MGAT5: variants seen among roughly 807,000 people sequenced by gnomAD.
MGAT5 encodes the protein alpha-1,6-mannosylglycoprotein 6-beta-N-acetylglucosaminyltransferase A.
A neutral mutation model predicts 94.3 loss-of-function variants in MGAT5; 30 were observed. That is an observed-to-expected ratio of 0.32 (90% CI 0.24 to 0.43). The LOEUF is 0.43. Ranked by LOEUF, MGAT5 falls within the 20% of genes least tolerant of loss-of-function variation. MGAT5 has a pLI of 1.00. For synonymous variants in MGAT5, 310 were observed against 322.9 expected, an observed-to-expected ratio of 0.96 and a Z score of 0.43; for missense variants, 691 against 905.5, an observed-to-expected ratio of 0.76 and a Z score of 3.04.
intron 1 of MGAT5, among the ~76,000 whole-genome samples, chr2:134,122,099 G>A (rs11888896): frequency 0.34 from 52,044 of 151,556 alleles, 10,513 homozygotes; most frequent in East Asian, 0.67. Flanking sequence ...TTAGAGCAAA[G>A]CTCTCCTGTC....
intron 10 of MGAT5, among the ~76,000 whole-genome samples, chr2:134,391,376 G>A (rs1682396943): frequency 6.6e-6 from 1 of 152,226 alleles, no homozygotes; most frequent in Non-Finnish European, 1.5e-5. Context: ...CCTTGGCTGA[G>A]TGTTTGGGCT....
At chr2:134,322,851 A>G (rs1573800926) in intron 4 of MGAT5, among the ~76,000 whole-genome samples, 1 of 152,140 alleles carries the variant, frequency 6.6e-6, no homozygotes, top group African/African-American at 2.4e-5. Flanking sequence ...TGAGTTGTTA[A>G]TGTGATCAAC....
At chr2:134,206,751 A>G (rs1485382676) in intron 1 of MGAT5, among the ~76,000 whole-genome samples, 2 of 152,208 alleles carry the variant, frequency 1.3e-5, no homozygotes, top group African/African-American at 4.8e-5. Flanking sequence ...CAGTGTGACC[A>G]CAGAAGTAGG....
chr2:134,429,371 G>T (rs1260341974), intron 14 of MGAT5, among the ~76,000 whole-genome samples: 1 of 152,176 alleles, frequency 6.6e-6, no homozygotes, highest in African/African-American at 2.4e-5. Context: ...ACTTCGGGGT[G>T]GTGTGTCTGA....
chr2:134,389,059 C>T (rs930805864), intron 10 of MGAT5, among the ~76,000 whole-genome samples: 4 of 152,036 alleles, frequency 2.6e-5, no homozygotes, highest in African/African-American at 7.2e-5. Flanking sequence ...CCTGAGCCAC[C>T]GCCCCCAGCC....
rs1686205032 is a variant in MGAT5 at position 134,453,490 on chromosome 2, A to G, written c.*4643A>G. On this transcript the variant is annotated 3_prime_UTR_variant, in exon 16 of 16. Coordinates refer to ENST00000281923, the MANE Select transcript of MGAT5 (RefSeq NM_002410.5). Reference sequence around the variant, plus strand: ...TAAAATGGGTTCTCTGGCAGACTGCACCCCTTGAGTCAAAGTTAACAGTAT... The same window carrying G: ...TAAAATGGGTTCTCTGGCAGACTGCGCCCCTTGAGTCAAAGTTAACAGTAT... The G allele has an allele frequency of 6.6e-6, 1 of 152,184 alleles. No individual in the cohort carries two copies. Among genetic ancestry groups the G allele is most frequent in the Non-Finnish European group, 1.5e-5 (1 of 68,042 alleles). The allele number at this position is 152,184 out of a possible 1,614,324, so 9.4% of individuals were successfully genotyped here.
intron 2 of MGAT5, among the ~76,000 whole-genome samples, chr2:134,298,704 A>G (rs1212543900): frequency 1.3e-5 from 2 of 152,098 alleles, no homozygotes; most frequent in Non-Finnish European, 2.9e-5. Context: ...GTCTCTTTTG[A>G]TTAGATGTGA....
chr2:134,297,196 C>CA (rs143685303), intron 2 of MGAT5, among the ~76,000 whole-genome samples: 18,371 of 100,328 alleles, frequency 0.18, 1,584 homozygotes, highest in Middle Eastern at 0.38. Context: ...GACCTGGTCT[C>CA]AAAAAAAAAA....
At chr2:134,293,179 G>C (rs1442115486) in intron 2 of MGAT5, among the ~76,000 whole-genome samples, 4 of 152,154 alleles carry the variant, frequency 2.6e-5, no homozygotes, top group African/African-American at 9.7e-5. Context: ...ACATGTATAT[G>C]ATAATAAGCA....
At chr2:134,421,669 T>C (rs1309412258) in intron 12 of MGAT5, among the ~76,000 whole-genome samples, 1 of 152,032 alleles carries the variant, frequency 6.6e-6, no homozygotes, top group African/African-American at 2.4e-5. Context: ...AGTGGACAAT[T>C]CTTCCTGTGC....
At chr2:134,317,505 T>A (rs1461707448) in intron 2 of MGAT5, 24 bp from the exon 3 acceptor site, 3 of 1,508,130 alleles carry the variant, frequency 2.0e-6, no homozygotes, top group African/African-American at 1.4e-5. Context: ...CATTGTATCC[T>A]TTGTTGTTTT....
intron 1 of MGAT5, among the ~76,000 whole-genome samples, chr2:134,241,221 C>A (rs1681954058): frequency 6.6e-6 from 1 of 152,224 alleles, no homozygotes; most frequent in African/African-American, 2.4e-5. Context: ...AAGCTGAAAT[C>A]CTGTCCTTCC....
chr2:134,443,535 AG>A (rs1685605053), intron 15 of MGAT5, among the ~76,000 whole-genome samples: 1 of 152,198 alleles, frequency 6.6e-6, no homozygotes, highest in African/African-American at 2.4e-5. Flanking sequence ...GAGAAGACCC[AG>A]GCACAGAAGC....
intron 1 of MGAT5, among the ~76,000 whole-genome samples, chr2:134,259,356 ATC>A (rs1683178294): frequency 1.3e-5 from 2 of 152,036 alleles, no homozygotes; most frequent in African/African-American, 4.8e-5. Context: ...AGGTGAATTG[ATC>A]TCTGTCTCCA....
At position 134,422,873 on chromosome 2, in the gene MGAT5, A is replaced by G. The variant is rs1256377046; in HGVS notation, c.1748A>G (p.Asn583Ser). The G allele has an allele frequency of 1.2e-6, 2 of 1,613,824 alleles. No homozygotes were observed. Among genetic ancestry groups the G allele is most frequent in the Non-Finnish European group, 1.7e-6 (2 of 1,179,832 alleles). Residue 583 changes from asparagine (N) to serine (S), a missense_variant, in exon 13 of 16, where the codon AAT becomes AGT. Transcript: ENST00000281923. ...CATGTGTGGACTGTTGACCTCAACA[A>G]TCAGGAGGAAGTAGAGGATGCAGTG... ...RPHVWTVDLN[N>S]QEEVEDAVKA...
rs186790094 is a variant in MGAT5 at position 134,309,558 on chromosome 2, C to G, written c.407-7971C>G. Among the ~76,000 whole-genome samples the G allele has an allele frequency of 3.3e-4, 51 of 152,302 alleles. No homozygotes were observed. The East Asian group carries it at 9.1e-3, about 27-fold the overall frequency. ...CTCTTGATTTCCATTTCCCTGATGACTAATGATGATAAGCTCTGCCTACTT... is the reference window on the plus strand; with the variant it reads ...CTCTTGATTTCCATTTCCCTGATGAGTAATGATGATAAGCTCTGCCTACTT... On this transcript the variant is annotated intron_variant, in intron 2 of 15. Coordinates refer to ENST00000281923, the MANE Select transcript of MGAT5 (RefSeq NM_002410.5).
chr2:134,270,778 T>C (rs1231406272), intron 2 of MGAT5, among the ~76,000 whole-genome samples: 3 of 152,250 alleles, frequency 2.0e-5, no homozygotes, highest in Non-Finnish European at 2.9e-5. Flanking sequence ...TGTGACACAT[T>C]TGCTCTTAAT....
intron 1 of MGAT5, among the ~76,000 whole-genome samples, chr2:134,243,252 G>T (rs1682063870): frequency 6.6e-6 from 1 of 152,030 alleles, no homozygotes; most frequent in Admixed American, 6.6e-5. Flanking sequence ...TGTGATAGCT[G>T]GGCATCTCTA....
At chr2:134,379,676 A>T (rs958363240) in intron 10 of MGAT5, among the ~76,000 whole-genome samples, 2 of 152,206 alleles carry the variant, frequency 1.3e-5, no homozygotes, top group Non-Finnish European at 2.9e-5. Flanking sequence ...GTGGTCTTAC[A>T]TTTGTATCCC....
Sources: allele counts gnomAD v4.1 joint callset (sites outside exome capture counted in the v4.1 genomes callset), GRCh38; gene constraint gnomAD v4.1.1; transcripts MANE v1.5; gene names NCBI Gene and HGNC (gene_info 2026-07-23, HGNC 2026-07-21).